Variants in OPCML observed in about 807,000 individuals in gnomAD.
OPCML encodes the protein opioid binding protein/cell adhesion molecule like, also known as opioid-binding protein/cell adhesion molecule.
A neutral mutation model predicts 37.8 loss-of-function variants in OPCML; 13 were observed. The observed-to-expected ratio is 0.34, with a 90% CI of 0.22 to 0.55. The LOEUF (loss-of-function observed/expected upper bound fraction) is 0.55, where lower values mean the gene tolerates loss of function less well. OPCML is among the 20% of genes least tolerant of loss of function. The probability of loss-of-function intolerance (pLI) is 0.91; values close to 1 mark genes in which losing one functional copy is unlikely to be tolerated. For synonymous variants in OPCML, 176 were observed against 168.8 expected, an observed-to-expected ratio of 1.04 and a Z score of -0.33; for missense variants, 341 against 435.6, an observed-to-expected ratio of 0.78 and a Z score of 1.93.
At chr11:133,447,112 C>T (rs1946488592) in intron 1 of OPCML, among the ~76,000 whole-genome samples, 1 of 152,102 alleles carries the variant, frequency 6.6e-6, no homozygotes, top group African/African-American at 2.4e-5. Flanking sequence ...ATTAAACTGC[C>T]AAACTCATTT....
At chr11:132,714,939 A>T (rs957451355) in intron 2 of OPCML, among the ~76,000 whole-genome samples, 1 of 152,152 alleles carries the variant, frequency 6.6e-6, no homozygotes, top group African/African-American at 2.4e-5. Flanking sequence ...TCACAGTGCA[A>T]AGGAAGGGAG....
At chr11:132,968,199 A>G (rs529768184) in intron 1 of OPCML, among the ~76,000 whole-genome samples, 1 of 152,350 alleles carries the variant, frequency 6.6e-6, no homozygotes, top group South Asian at 2.1e-4. Context: ...CATTACTGGT[A>G]TATGGGAGAG....
At chr11:132,476,611 G>A (rs2096156881) in intron 4 of OPCML, among the ~76,000 whole-genome samples, 1 of 152,038 alleles carries the variant, frequency 6.6e-6, no homozygotes, top group Non-Finnish European at 1.5e-5. Context: ...AACACCGCAT[G>A]TTCTCACTCA....
chr11:132,850,672 T>C (rs1941770611), intron 2 of OPCML, among the ~76,000 whole-genome samples: 1 of 152,210 alleles, frequency 6.6e-6, no homozygotes, highest in African/African-American at 2.4e-5. Context: ...GGCTTGTATT[T>C]ACAACTTTAT....
chr11:132,696,799 A>G (rs1308879925), intron 2 of OPCML, among the ~76,000 whole-genome samples: 2 of 152,162 alleles, frequency 1.3e-5, no homozygotes, highest in Non-Finnish European at 2.9e-5. Context: ...ACGCTGACCC[A>G]TAAAACCTGC....
At chr11:133,070,531 G>A (rs1451314209) in intron 1 of OPCML, among the ~76,000 whole-genome samples, 2 of 152,160 alleles carry the variant, frequency 1.3e-5, no homozygotes, top group Non-Finnish European at 2.9e-5. Flanking sequence ...ATGGACGAAG[G>A]GGACTGGCTA....
At chr11:133,176,124 G>A (rs930619518) in intron 1 of OPCML, among the ~76,000 whole-genome samples, 4 of 152,118 alleles carry the variant, frequency 2.6e-5, no homozygotes, top group Non-Finnish European at 4.4e-5. Context: ...CCCAGGCTGG[G>A]TAAACACTGA....
chr11:132,788,887 A>G lies in OPCML; in HGVS notation c.147-131568T>C, dbSNP rs138958345. Among the ~76,000 whole-genome samples the G allele has an allele frequency of 8.8e-4, 133 of 151,620 alleles. 1 individual carries two copies. The highest frequency in any genetic ancestry group is 1.4e-3 in the Non-Finnish European group (98 of 68,026). On this transcript the variant is annotated intron_variant, in intron 2 of 7. Coordinates refer to ENST00000524381, the MANE Select transcript of OPCML (RefSeq NM_001012393.5). ...TATGTTGCTCCCTGGATTAAACCTC[A>G]TGGCAGCTTCCCATTGCTTTTAGGA...
chr11:133,532,096 A>AGTGT lies in OPCML; in HGVS notation c.61+164_61+167dup, dbSNP rs888620272. 40 of 646,474 alleles carry AGTGT rather than the reference A, an allele frequency of 6.2e-5. No homozygotes were observed. The African/African-American group carries it at 7.9e-4, about 13-fold the overall frequency. 40.0% of individuals were successfully genotyped at this position (646,474 alleles called of 1,614,324 possible). ...GCATCTGCGCGCGTGTGAGCGAGTG[A>AGTGT]GTGTGTGTGTGCGTGCACACAGCAA... On this transcript the variant is annotated intron_variant, in intron 1 of 7. Coordinates refer to ENST00000524381, the MANE Select transcript of OPCML (RefSeq NM_001012393.5).
At chr11:132,823,932 A>G (rs1028993854) in intron 2 of OPCML, among the ~76,000 whole-genome samples, 1 of 152,080 alleles carries the variant, frequency 6.6e-6, no homozygotes, top group African/African-American at 2.4e-5. Flanking sequence ...TCTGCCTGCT[A>G]CCTCACCGGT....
At chr11:132,476,106 G>T (rs989741213) in intron 4 of OPCML, among the ~76,000 whole-genome samples, 2 of 152,138 alleles carry the variant, frequency 1.3e-5, no homozygotes, top group African/African-American at 4.8e-5. Flanking sequence ...TTTTTAGCAT[G>T]TACACTATAT....
intron 1 of OPCML, among the ~76,000 whole-genome samples, chr11:133,377,280 G>A (rs549180054): frequency 6.6e-6 from 1 of 152,266 alleles, no homozygotes; most frequent in Non-Finnish European, 1.5e-5. Flanking sequence ...ATTCTGAGCA[G>A]TCCAAGGGTT....
At chr11:132,806,837 A>G (rs1394450368) in intron 2 of OPCML, among the ~76,000 whole-genome samples, 1 of 152,210 alleles carries the variant, frequency 6.6e-6, no homozygotes, top group African/African-American at 2.4e-5. Flanking sequence ...ATTCACCAAT[A>G]TATACCATTA....
At chr11:133,073,171 T>C (rs1444946873) in intron 1 of OPCML, among the ~76,000 whole-genome samples, 1 of 152,162 alleles carries the variant, frequency 6.6e-6, no homozygotes, top group Non-Finnish European at 1.5e-5. Context: ...CCATTAGTCA[T>C]GGGTTCTTAA....
At chr11:133,334,036 T>A (rs939128152) in intron 1 of OPCML, among the ~76,000 whole-genome samples, 4 of 152,164 alleles carry the variant, frequency 2.6e-5, no homozygotes, top group African/African-American at 9.7e-5. Flanking sequence ...CCTTACACAC[T>A]GTTAGTGGGA....
chr11:132,726,700 G>T (rs192751654), intron 2 of OPCML, among the ~76,000 whole-genome samples: 1 of 152,022 alleles, frequency 6.6e-6, no homozygotes, highest in African/African-American at 2.4e-5. Context: ...AAAACCAACC[G>T]CCATGGTCCA....
At chr11:133,022,356 T>C (rs1947471152) in intron 1 of OPCML, among the ~76,000 whole-genome samples, 1 of 152,200 alleles carries the variant, frequency 6.6e-6, no homozygotes, top group Admixed American at 6.5e-5. Flanking sequence ...TTTTAACCAA[T>C]CAACACATTA....
chr11:133,024,856 G>T, intron 1 of OPCML: 1 of 985,406 alleles, frequency 1.0e-6, no homozygotes, highest in Non-Finnish European at 1.2e-6. Flanking sequence ...CTGCTTTCAT[G>T]TCCCTTCTAT....
intron 1 of OPCML, among the ~76,000 whole-genome samples, chr11:133,510,841 A>C (rs963478073): frequency 1.3e-5 from 2 of 151,960 alleles, no homozygotes; most frequent in Non-Finnish European, 2.9e-5. Context: ...TCTGGTGATC[A>C]CATGCAGCTT....
Sources: allele counts gnomAD v4.1 joint callset (sites outside exome capture counted in the v4.1 genomes callset), GRCh38; gene constraint gnomAD v4.1.1; transcripts MANE v1.5; gene names NCBI Gene and HGNC (gene_info 2026-07-23, HGNC 2026-07-21).